The following METTL16 variants were observed in gnomAD, a reference collection of about 807,000 sequenced individuals.
The protein encoded by METTL16 is RNA N(6)-adenosine-methyltransferase METTL16.
METTL16 carries 19 observed loss-of-function variants against 57.9 expected under a neutral mutation model. That is an observed-to-expected ratio of 0.33 (90% CI 0.23 to 0.48). The LOEUF (loss-of-function observed/expected upper bound fraction) is 0.48. Among genes scored for constraint, METTL16 ranks in the 20% least tolerant of loss-of-function variants. The pLI is 0.99. For synonymous variants in METTL16, 246 were observed against 255.6 expected, an observed-to-expected ratio of 0.96 and a Z score of 0.36; for missense variants, 434 against 691.5, an observed-to-expected ratio of 0.63 and a Z score of 4.18.
intron 4 of METTL16, among the ~76,000 whole-genome samples, chr17:2,469,917 T>C (rs2067225248): frequency 6.6e-6 from 1 of 152,220 alleles, no homozygotes; most frequent in South Asian, 2.1e-4. Flanking sequence ...ATATAGTCAA[T>C]TCTCATTATC....
At chr17:2,443,082 G>A (rs1034448466) in intron 6 of METTL16, among the ~76,000 whole-genome samples, 4 of 152,048 alleles carry the variant, frequency 2.6e-5, no homozygotes, top group East Asian at 2.0e-4. Flanking sequence ...CTCCACTTCC[G>A]GGCTCAAGCG....
chr17:2,505,401 T>A (rs1193008573), intron 1 of METTL16, among the ~76,000 whole-genome samples: 1 of 8,628 alleles, frequency 1.2e-4, no homozygotes, highest in Non-Finnish European at 4.3e-4. Context: ...AGGCATTTTT[T>A]TTTTTTTTTT....
At position 2,420,335 on chromosome 17, in the gene METTL16, C is replaced by T; in HGVS notation, c.1324G>A (p.Ala442Thr). 6.2e-7 allele frequency: 1 copy of T among 1,611,792 alleles called. No individual in the cohort carries two copies. The highest frequency in any genetic ancestry group is 8.5e-7 in the Non-Finnish European group (1 of 1,180,018). The change falls in exon 10 of 10, where the codon GCC becomes ACC. Residue 442 changes from alanine to threonine, a missense_variant. By Grantham distance (58) the Ala-to-Thr change is moderately conservative (BLOSUM62 0). Coordinates refer to ENST00000263092, the MANE Select transcript of METTL16 (RefSeq NM_024086.4). This position sits in a 1 kb window ranked among gnomAD's most constrained non-coding sequence, Gnocchi z 5.4. ...CTCGGGCACGGGCCCTCCACAGCGG[C>T]AGCCTCGCCTTCCCGCAGAGCAGGC... ...CGPALREGEA[A>T]AVEGPCPSQE...
chr17:2,449,784 C>T (rs370805199), intron 6 of METTL16, among the ~76,000 whole-genome samples: 12 of 152,274 alleles, frequency 7.9e-5, no homozygotes, highest in Middle Eastern at 3.4e-3. Flanking sequence ...TTGCAAAACA[C>T]ATTTGACAAT....
chr17:2,477,672 T>C lies in METTL16; in HGVS notation c.328+14A>G. 6.3e-7 allele frequency: 1 copy of C among 1,595,780 alleles called. No individual in the cohort carries two copies. The highest frequency in any genetic ancestry group is 8.6e-7 in the Non-Finnish European group (1 of 1,165,022). On this transcript the variant is annotated intron_variant, in intron 3 of 9. Transcript: ENST00000263092. ...GAAAACTGTTTAGCCAAAAAAGAATTTAAAATGATATACCTATGTCAATTC... is the reference window on the plus strand; with the variant it reads ...GAAAACTGTTTAGCCAAAAAAGAATCTAAAATGATATACCTATGTCAATTC...
chr17:2,471,085 T>C (rs920270518), intron 4 of METTL16, among the ~76,000 whole-genome samples: 5 of 152,188 alleles, frequency 3.3e-5, no homozygotes, highest in Admixed American at 1.3e-4. Flanking sequence ...GACATCCACA[T>C]GCATAAAATG....
At chr17:2,480,321 C>T (rs2067296746) in intron 2 of METTL16, among the ~76,000 whole-genome samples, 1 of 152,014 alleles carries the variant, frequency 6.6e-6, no homozygotes, top group African/African-American at 2.4e-5. Context: ...GCATTCCATA[C>T]CTGAATATAA....
intron 2 of METTL16, among the ~76,000 whole-genome samples, chr17:2,492,766 T>G (rs9909413): frequency 0.93 from 141,497 of 151,516 alleles, 66,239 homozygotes; most frequent in African/African-American, 0.98. Flanking sequence ...GTGTGGTGGT[T>G]GGCACCTATA....
intron 3 of METTL16, 118 bp from the exon 4 acceptor site, chr17:2,473,782 A>G (rs2067251361): frequency 1.9e-6 from 2 of 1,078,024 alleles, no homozygotes; most frequent in Non-Finnish European, 2.6e-6. Context: ...TCTGTCGCCC[A>G]GGCTACAGTG....
At chr17:2,467,699 T>G (rs1046110445) in intron 5 of METTL16, 62 bp downstream of exon 5, 2 of 1,291,996 alleles carry the variant, frequency 1.5e-6, no homozygotes, top group South Asian at 2.4e-5. Context: ...GTGCAGGGAT[T>G]ACAGGCGTGA....
chr17:2,425,158 G>A (rs548162760), intron 8 of METTL16, among the ~76,000 whole-genome samples: 11 of 152,290 alleles, frequency 7.2e-5, no homozygotes, highest in African/African-American at 2.2e-4. Flanking sequence ...CTCTCTGGTC[G>A]TAGGCAATTT....
chr17:2,492,078 G>A (rs750151174), intron 2 of METTL16, among the ~76,000 whole-genome samples: 64 of 151,358 alleles, frequency 4.2e-4, no homozygotes, highest in Non-Finnish European at 5.4e-4. Context: ...GGGCGTGGTG[G>A]CGGGTGCCTG....
At chr17:2,464,492 A>G (rs1274604884) in intron 5 of METTL16, 142 bp from the exon 6 acceptor site, 3 of 690,548 alleles carry the variant, frequency 4.3e-6, no homozygotes, top group Non-Finnish European at 6.5e-6. Flanking sequence ...TTAAAATCAT[A>G]GCCACTAAAA....
intron 6 of METTL16, among the ~76,000 whole-genome samples, chr17:2,447,314 G>C (rs1407336723): frequency 5.3e-5 from 7 of 132,856 alleles, no homozygotes; most frequent in African/African-American, 2.3e-4. Flanking sequence ...CGGCCGCCCC[G>C]TCTGAGAAGT....
chr17:2,428,067 A>G (rs563289368), intron 8 of METTL16, among the ~76,000 whole-genome samples: 58 of 151,988 alleles, frequency 3.8e-4, no homozygotes, highest in African/African-American at 1.2e-3. Context: ...GGAGGAAAGG[A>G]AAAGAAAGGA....
chr17:2,506,766 GCC>G lies in METTL16; in HGVS notation c.1-4437_1-4436del, dbSNP rs1467012392. Among the ~76,000 whole-genome samples the G allele has an allele frequency of 3.1e-3, 467 of 151,872 alleles. 1 individual carries two copies. Among genetic ancestry groups the G allele is most frequent in the African/African-American group, 0.011 (447 of 41,384 alleles). Reference sequence around the variant, plus strand: ...CCGCCCATCATCTGGGATGTGAGGAGCCTCTCTGCCTGGCTGCCCAGTCTGGA... The same window carrying G: ...CCGCCCATCATCTGGGATGTGAGGAGTCTCTGCCTGGCTGCCCAGTCTGGA... On this transcript the variant is annotated intron_variant, in intron 1 of 9. Coordinates refer to ENST00000263092, the MANE Select transcript of METTL16 (RefSeq NM_024086.4).
chr17:2,500,006 G>A (rs533019389), intron 2 of METTL16, among the ~76,000 whole-genome samples: 9 of 152,214 alleles, frequency 5.9e-5, no homozygotes, highest in Admixed American at 2.0e-4. Flanking sequence ...TGCCCACCTC[G>A]GCCTCCCAAA....
chr17:2,510,220 C>T (rs568082989), intron 1 of METTL16, among the ~76,000 whole-genome samples: 6 of 152,242 alleles, frequency 3.9e-5, no homozygotes, highest in Admixed American at 6.5e-5. Context: ...ATTTGTTCCA[C>T]GCATAGAATG....
At chr17:2,460,558 C>T (rs1291928807) in intron 6 of METTL16, among the ~76,000 whole-genome samples, 1 of 152,174 alleles carries the variant, frequency 6.6e-6, no homozygotes, top group Non-Finnish European at 1.5e-5. Context: ...ACCTACAGTT[C>T]CCCATTTTCC....
Sources: allele counts gnomAD v4.1 joint callset (sites outside exome capture counted in the v4.1 genomes callset), GRCh38; gene constraint gnomAD v4.1.1; non-coding constraint Gnocchi (gnomAD v3.1); transcripts MANE v1.5; gene names NCBI Gene and HGNC (gene_info 2026-07-23, HGNC 2026-07-21).